The following FHIT variants were observed in gnomAD, a reference collection of about 807,000 sequenced individuals.
FHIT encodes bis(5'-adenosyl)-triphosphatase.
FHIT carries 19 observed loss-of-function variants against 17.9 expected under a neutral mutation model. The observed-to-expected ratio is 1.06, with a 90% CI of 0.74 to 1.56. The LOEUF (loss-of-function observed/expected upper bound fraction) is 1.56. Ranked by LOEUF, FHIT falls within the 40% of genes most tolerant of loss-of-function variation. The pLI is 0.00. For synonymous variants in FHIT, 81 were observed against 69.7 expected (o/e 1.16, Z -0.81); for missense variants, 248 against 189.2 (o/e 1.31, Z -1.82).
At chr3:60,544,700 G>A (rs998685925) in intron 4 of FHIT, among the ~76,000 whole-genome samples, 7 of 150,268 alleles carry the variant, frequency 4.7e-5, no homozygotes, top group African/African-American at 1.2e-4. Context: ...CGGTTCAAGC[G>A]ATTCTCCTGC....
At chr3:59,867,291 T>G (rs150518281) in intron 8 of FHIT, among the ~76,000 whole-genome samples, 277 of 150,952 alleles carry the variant, frequency 1.8e-3, no homozygotes, top group African/African-American at 6.4e-3. Flanking sequence ...ACTTTCTACT[T>G]GAATCTAAAA....
intron 4 of FHIT, among the ~76,000 whole-genome samples, chr3:60,562,894 A>T (rs988445275): frequency 6.6e-6 from 1 of 152,164 alleles, no homozygotes; most frequent in Non-Finnish European, 1.5e-5. Flanking sequence ...AAGGGCTGCT[A>T]TTTATTGGAG....
At chr3:60,364,116 G>T (rs1700015167) in intron 5 of FHIT, among the ~76,000 whole-genome samples, 1 of 152,188 alleles carries the variant, frequency 6.6e-6, no homozygotes, top group African/African-American at 2.4e-5. Context: ...AATATATGCT[G>T]ATTTGAATGT....
At chr3:60,399,581 C>A (rs547421506) in intron 5 of FHIT, among the ~76,000 whole-genome samples, 17 of 152,074 alleles carry the variant, frequency 1.1e-4, no homozygotes, top group Non-Finnish European at 2.4e-4. Flanking sequence ...ATCACATACA[C>A]AATGAAGCAA....
intron 5 of FHIT, among the ~76,000 whole-genome samples, chr3:60,331,848 GAA>G (rs34970290): frequency 2.8e-5 from 4 of 141,022 alleles, no homozygotes; most frequent in Non-Finnish European, 1.5e-5. Flanking sequence ...CTCTGTCTCG[GAA>G]AAAAAAAAAA....
At chr3:60,732,810 C>T (rs1235039194) in intron 4 of FHIT, among the ~76,000 whole-genome samples, 2 of 151,500 alleles carry the variant, frequency 1.3e-5, no homozygotes, top group Admixed American at 6.6e-5. Context: ...CCTCAGTCTC[C>T]GGAGTAGCTG....
At chr3:60,503,295 T>C (rs767095923) in intron 5 of FHIT, among the ~76,000 whole-genome samples, 25 of 152,230 alleles carry the variant, frequency 1.6e-4, no homozygotes, top group Non-Finnish European at 2.9e-4. Flanking sequence ...CAATGAGTAG[T>C]AGCAAAATGT....
chr3:60,740,219 A>T (rs1053743435), intron 4 of FHIT, among the ~76,000 whole-genome samples: 7 of 152,176 alleles, frequency 4.6e-5, no homozygotes, highest in Non-Finnish European at 8.8e-5. Context: ...GGACAATCTT[A>T]TGAGGTGGTT....
At chr3:60,321,805 C>A (rs1259846992) in intron 5 of FHIT, among the ~76,000 whole-genome samples, 1 of 152,172 alleles carries the variant, frequency 6.6e-6, no homozygotes, top group East Asian at 1.9e-4. Context: ...CTGGTGAGGG[C>A]TTGCTCTCTG....
chr3:60,472,343 T>C (rs1337055949), intron 5 of FHIT, among the ~76,000 whole-genome samples: 1 of 151,976 alleles, frequency 6.6e-6, no homozygotes, highest in Non-Finnish European at 1.5e-5. Flanking sequence ...CCCACCTTCA[T>C]TTTGCAAAGT....
chr3:61,162,881 G>C (rs1202699590), intron 2 of FHIT, among the ~76,000 whole-genome samples: 3 of 151,936 alleles, frequency 2.0e-5, no homozygotes, highest in Non-Finnish European at 4.4e-5. Flanking sequence ...AATGTGTCTG[G>C]GCTTTTTGGA....
At chr3:60,836,941 T>A (rs1553743965) in intron 3 of FHIT, among the ~76,000 whole-genome samples, 1 of 152,218 alleles carries the variant, frequency 6.6e-6, no homozygotes. Context: ...TTCCCCTTTA[T>A]TCCTGAGGAT....
At chr3:61,019,579 G>A (rs186750228) in intron 3 of FHIT, among the ~76,000 whole-genome samples, 5 of 152,338 alleles carry the variant, frequency 3.3e-5, no homozygotes, top group Admixed American at 3.3e-4. Flanking sequence ...TTCCAAAAAT[G>A]CAGTAACTTG....
intron 4 of FHIT, among the ~76,000 whole-genome samples, chr3:60,713,230 G>T (rs1175076204): frequency 1.3e-5 from 2 of 150,056 alleles, no homozygotes; most frequent in East Asian, 4.0e-4. Context: ...TGAAACCAAC[G>T]AGAACAAAGA....
intron 3 of FHIT, among the ~76,000 whole-genome samples, chr3:61,013,659 C>T (rs2031919965): frequency 6.6e-6 from 1 of 151,992 alleles, no homozygotes; most frequent in Non-Finnish European, 1.5e-5. Context: ...TGATGAAATG[C>T]CATCATGATA....
chr3:60,467,360 T>C lies in FHIT; in HGVS notation c.103+69500A>G, dbSNP rs534215306. Among the ~76,000 whole-genome samples, 90 of 152,152 alleles carry C rather than the reference T, an allele frequency of 5.9e-4. 1 individual carries two copies. Among genetic ancestry groups the C allele is most frequent in the Admixed American group, 1.1e-3 (17 of 15,292 alleles). On this transcript the variant is annotated intron_variant, in intron 5 of 9. Coordinates refer to ENST00000492590, the MANE Select transcript of FHIT (RefSeq NM_002012.4). ...TTTCATTTATTTCTGCTCTGATCTT[T>C]ATTTTTCCTTCTACTAATTTTGGGT...
intron 4 of FHIT, among the ~76,000 whole-genome samples, chr3:60,539,695 A>G (rs932627962): frequency 2.6e-4 from 39 of 152,294 alleles, no homozygotes; most frequent in Non-Finnish European, 4.0e-4. Context: ...ACAAGGACAA[A>G]AAACCAAACA....
intron 8 of FHIT, among the ~76,000 whole-genome samples, chr3:59,784,084 T>C (rs1249351554): frequency 6.6e-6 from 1 of 152,156 alleles, no homozygotes; most frequent in Admixed American, 6.5e-5. Context: ...CAAAAAATGA[T>C]ATAAAAATGA....
chr3:60,577,551 C>A (rs79628295), intron 4 of FHIT, among the ~76,000 whole-genome samples: 2 of 152,090 alleles, frequency 1.3e-5, no homozygotes, highest in Non-Finnish European at 2.9e-5. Context: ...ATGGCAGAGT[C>A]CACTTTCAAA....
Sources: allele counts gnomAD v4.1 joint callset (sites outside exome capture counted in the v4.1 genomes callset), GRCh38; gene constraint gnomAD v4.1.1; transcripts MANE v1.5; gene names NCBI Gene and HGNC (gene_info 2026-07-23, HGNC 2026-07-21).